The following MPC2 variants were observed in gnomAD, a reference collection of about 807,000 sequenced individuals.
MPC2 encodes the protein brain protein 44.
Under a neutral mutation model 19.2 loss-of-function variants are expected in MPC2, and 19 were observed. That is an observed-to-expected ratio of 0.99 (90% CI 0.69 to 1.45). The LOEUF is 1.45. Ranked by LOEUF, MPC2 falls within the 40% of genes most tolerant of loss-of-function variation. MPC2 has a pLI of 0.00. For missense variants in MPC2, 122 were observed against 153.0 expected (o/e 0.80, Z 1.07); for synonymous variants, 61 against 54.3 (o/e 1.12, Z -0.54).
chr1:167,920,723 C>T, intron 3 of MPC2, 92 bp from the exon 4 acceptor site: 1 of 1,257,108 alleles, frequency 8.0e-7, no homozygotes, highest in South Asian at 1.7e-5. Flanking sequence ...TTTGAGATTT[C>T]CGTAAGTTAG....
rs560659995 is a variant in MPC2, at chr1:167,917,786, T to G, written c.*537A>C. 6.6e-6 allele frequency: 1 copy of G among 152,404 alleles called. No homozygotes were observed. The highest frequency in any genetic ancestry group is 2.1e-4 in the South Asian group (1 of 4,838). 9.4% of individuals were successfully genotyped at this position (152,404 alleles called of 1,614,324 possible). On this transcript the variant is annotated 3_prime_UTR_variant, in exon 6 of 6. Coordinates refer to ENST00000271373, the MANE Select transcript of MPC2 (RefSeq NM_001143674.4). ...CTCATTAATCTTTACAATGATCCTA[T>G]TTAAAAATCTGTAGCTGTAAAAGAA...
In MPC2 at chr1:167,920,002, GGCTCCT is replaced by G. The variant is rs1282600765; in HGVS notation, c.318_323del (p.Gly107_Ala108del). The stretch of plus-strand genomic sequence containing the variant: ...ACCTCCAAATACGAAAAAGCTGAGA[GGCTCCT>G]GCTGCCCCCACAAAGAAATTAACAG... On this transcript the variant is annotated inframe_deletion, in exon 5 of 6. Coordinates refer to ENST00000271373, the MANE Select transcript of MPC2 (RefSeq NM_001143674.4). 6.2e-7 allele frequency: 1 copy of G among 1,612,508 alleles called. No individual in the cohort carries two copies. Among genetic ancestry groups the G allele is most frequent in the Admixed American group, 1.7e-5 (1 of 59,836 alleles).
At position 167,936,210 on chromosome 1, in the gene MPC2, G is replaced by T. The variant is rs143027430; in HGVS notation, c.-57-312C>A. On this transcript the variant is annotated intron_variant, in intron 1 of 5. Transcript: ENST00000271373. Reference sequence around the variant, plus strand: ...CGCCATGATTGGCCCGCCCCGAGGCGCGGGCGGGGTCGAGCGGAAACCTCC... The same window carrying T: ...CGCCATGATTGGCCCGCCCCGAGGCTCGGGCGGGGTCGAGCGGAAACCTCC... 4.1e-3 allele frequency: 1,016 copies of T among 248,078 alleles called. 10 individuals are homozygous for T. Among genetic ancestry groups the T allele is most frequent in the African/African-American group, 0.022 (941 of 42,948 alleles). The allele number at this position is 248,078 out of a possible 1,614,324, so 15.4% of individuals were successfully genotyped here.
At chr1:167,931,180 C>T (rs1431262458) in intron 2 of MPC2, among the ~76,000 whole-genome samples, 1 of 152,240 alleles carries the variant, frequency 6.6e-6, no homozygotes, top group East Asian at 1.9e-4. Context: ...GATCCACACG[C>T]CTCGGCCTCC....
chr1:167,920,962 T>G (rs538344878), intron 3 of MPC2, among the ~76,000 whole-genome samples: 1 of 152,262 alleles, frequency 6.6e-6, no homozygotes, highest in East Asian at 1.9e-4. Context: ...ACATATGAAT[T>G]TATATACTCT....
At chr1:167,934,941 T>C (rs1249890614) in intron 2 of MPC2, among the ~76,000 whole-genome samples, 2 of 152,186 alleles carry the variant, frequency 1.3e-5, no homozygotes, top group Non-Finnish European at 2.9e-5. Context: ...CAGTTTTTTT[T>C]TTCAACCACA....
At chr1:167,923,750 T>G (rs6427116) in intron 3 of MPC2, among the ~76,000 whole-genome samples, 1 of 151,280 alleles carries the variant, frequency 6.6e-6, no homozygotes, top group African/African-American at 2.4e-5. Flanking sequence ...TAGAGGGCAT[T>G]AGAGAATCAT....
intron 2 of MPC2, among the ~76,000 whole-genome samples, chr1:167,928,012 A>G (rs757628919): frequency 1.4e-4 from 22 of 152,208 alleles, no homozygotes; most frequent in Non-Finnish European, 2.6e-4. Context: ...CAAAAAAATC[A>G]GTTTAATATC....
intron 1 of MPC2, chr1:167,936,597 C>G (rs965421050): frequency 4.2e-5 from 14 of 334,554 alleles, no homozygotes; most frequent in African/African-American, 2.9e-4. Flanking sequence ...GTATCCAGGA[C>G]GAGGAGAGGG....
At chr1:167,936,732 G>A (rs181165348) in intron 1 of MPC2, 2 of 598,444 alleles carry the variant, frequency 3.3e-6, no homozygotes, top group Non-Finnish European at 3.0e-6. Context: ...GCTCCGGCCC[G>A]GGTGCGGCCG....
In MPC2 at chr1:167,935,880, G is replaced by C. The variant is rs1225573193; in HGVS notation, c.-39C>G. The C allele has an allele frequency of 1.1e-5, 16 of 1,468,478 alleles. No individual in the cohort carries two copies. Among genetic ancestry groups the C allele is most frequent in the Admixed American group, 5.9e-5 (3 of 50,804 alleles). 91.0% of individuals were successfully genotyped at this position (1,468,478 alleles called of 1,614,324 possible). ...TCGTTGGCAGCCGGGTGGGAGCGTG[G>C]CTGTGTTCTCGTCCCTGGCTGACAA... is the stretch of plus-strand genomic sequence containing the variant. On this transcript the variant is annotated 5_prime_UTR_variant, in exon 2 of 6. Transcript: ENST00000271373.
At chr1:167,926,993 G>A (rs1159704884) in intron 2 of MPC2, among the ~76,000 whole-genome samples, 2 of 152,186 alleles carry the variant, frequency 1.3e-5, no homozygotes, top group Non-Finnish European at 2.9e-5. Flanking sequence ...CTGTTAAAAT[G>A]ATTATTTATG....
chr1:167,936,686 T>G, intron 1 of MPC2: 1 of 492,254 alleles, frequency 2.0e-6, no homozygotes, highest in Non-Finnish European at 3.6e-6. Context: ...GATCTTTGGA[T>G]GTTCTGGTTA....
At chr1:167,928,377 C>T (rs548912067) in intron 2 of MPC2, among the ~76,000 whole-genome samples, 28 of 151,674 alleles carry the variant, frequency 1.8e-4, no homozygotes, top group African/African-American at 5.1e-4. Flanking sequence ...AAACTTAACC[C>T]TTTCATTGTA....
In MPC2 at chr1:167,916,686, C is replaced by T. The variant is rs1375909389; in HGVS notation, c.*1637G>A. The stretch of plus-strand genomic sequence containing the variant: ...CTGACAAGAGGGGCTTAGGAGACCC[C>T]GCACAGAAGAGGTTTTAATGAAAAG... On this transcript the variant is annotated 3_prime_UTR_variant, in exon 6 of 6. Transcript: ENST00000271373. 3.3e-5 allele frequency: 5 copies of T among 152,088 alleles called. No homozygotes were observed. Among genetic ancestry groups the T allele is most frequent in the Non-Finnish European group, 7.3e-5 (5 of 68,030 alleles). 9.4% of individuals were successfully genotyped at this position (152,088 alleles called of 1,614,324 possible). A position where few individuals can be genotyped will look rare whatever the true frequency, so the allele number is the denominator to read the frequency against.
Position 167,935,687 on chromosome 1 carries a change from A to T in MPC2, c.109+46T>A, listed in dbSNP as rs2102569744. On this transcript the variant is annotated intron_variant, in intron 2 of 5. Coordinates refer to ENST00000271373, the MANE Select transcript of MPC2 (RefSeq NM_001143674.4). ...GCCTCTAAAAGGTCCATTTTAGAGGAAGCGAGAAGGAAGGTCTCGATAAGG... is the reference window on the plus strand; with the variant it reads ...GCCTCTAAAAGGTCCATTTTAGAGGTAGCGAGAAGGAAGGTCTCGATAAGG... The T allele has an allele frequency of 2.7e-6, 4 of 1,492,408 alleles. No individual in the cohort carries two copies. In the East Asian group the frequency reaches 9.9e-5, roughly 37 times the overall value. The allele number at this position is 1,492,408 out of a possible 1,614,324, so 92.4% of individuals were successfully genotyped here.
chr1:167,935,891 G>T lies in MPC2; in HGVS notation c.-50C>A, dbSNP rs779725806. ...CGGGTGGGAGCGTGGCTGTGTTCTC[G>T]TCCCTGGCTGACAACGAAGGGGAGC... On this transcript the variant is annotated 5_prime_UTR_variant, in exon 2 of 6. Transcript: ENST00000271373. 10 of 1,394,866 alleles carry T rather than the reference G, an allele frequency of 7.2e-6. No homozygotes were observed. The highest frequency in any genetic ancestry group is 9.9e-6 in the Non-Finnish European group (10 of 1,007,298). The allele number at this position is 1,394,866 out of a possible 1,614,324, so 86.4% of individuals were successfully genotyped here.
At position 167,936,978 on chromosome 1, in the gene MPC2, G is replaced by A. The variant is rs1215018792; in HGVS notation, c.-97C>T. On this transcript the variant is annotated 5_prime_UTR_variant, in exon 1 of 6. Transcript: ENST00000271373. ...GAGGAAAAGGTCCCTCGGGCTGGAG[G>A]ACCCGTCCCGGCTGCGGAGTCGCTA... 2 of 1,611,004 alleles carry A rather than the reference G, an allele frequency of 1.2e-6. No homozygotes were observed. Among genetic ancestry groups the A allele is most frequent in the Non-Finnish European group, 1.7e-6 (2 of 1,179,166 alleles).
intron 2 of MPC2, among the ~76,000 whole-genome samples, chr1:167,929,899 T>A (rs748413702): frequency 6.6e-6 from 1 of 152,214 alleles, no homozygotes; most frequent in Non-Finnish European, 1.5e-5. Flanking sequence ...ATCCCTTTCA[T>A]GCCACTCCTT....
Sources: gnomAD v4.1 joint callset for allele counts (sites outside exome capture counted in the v4.1 genomes callset) on GRCh38, gnomAD v4.1.1 for gene constraint, MANE v1.5 for transcripts, NCBI Gene and HGNC (gene_info 2026-07-23, HGNC 2026-07-21) for gene names.